Variants in CERS6 observed in about 807,000 individuals in gnomAD.
The protein encoded by CERS6 is LAG1 homolog, ceramide synthase 6.
CERS6 carries 26 observed loss-of-function variants against 56.8 expected under a neutral mutation model. The observed-to-expected ratio is 0.46, with a 90% CI of 0.34 to 0.63. CERS6 has a LOEUF of 0.63. Ranked by LOEUF, CERS6 falls within the 30% of genes least tolerant of loss-of-function variation. CERS6 has a pLI of 0.01. For synonymous variants in CERS6, 164 were observed against 173.3 expected (o/e 0.95, Z 0.42); for missense variants, 415 against 467.5 (o/e 0.89, Z 1.04).
chr2:168,495,685 A>T (rs547267150), intron 1 of CERS6, among the ~76,000 whole-genome samples: 2 of 152,286 alleles, frequency 1.3e-5, no homozygotes, highest in South Asian at 4.1e-4. Context: ...AGAAAATTAA[A>T]TGGCAGTTAT....
At chr2:168,716,515 G>A (rs1370710001) in intron 7 of CERS6, among the ~76,000 whole-genome samples, 2 of 152,036 alleles carry the variant, frequency 1.3e-5, no homozygotes, top group East Asian at 1.9e-4. Flanking sequence ...AAAAACAAAT[G>A]TTCTTCATCA....
intron 6 of CERS6, among the ~76,000 whole-genome samples, chr2:168,702,299 A>G (rs1686825003): frequency 6.6e-6 from 1 of 152,166 alleles, no homozygotes; most frequent in African/African-American, 2.4e-5. Context: ...TTTCTTTTGA[A>G]CTGAACTTTT....
chr2:168,637,869 A>G lies in CERS6; in HGVS notation c.465+6827A>G, dbSNP rs186065315. On this transcript the variant is annotated intron_variant, in intron 4 of 9. Coordinates refer to ENST00000305747, the MANE Select transcript of CERS6 (RefSeq NM_203463.3). ...TAGAAATTTGGAGGTTTTTTTCAAT[A>G]TATCTTTAATACTTTATTTTCTATT... Among the ~76,000 whole-genome samples, 102 of 152,206 alleles carry G rather than the reference A, an allele frequency of 6.7e-4. 2 individuals are homozygous for G. The highest frequency in any genetic ancestry group is 2.1e-4 in the Non-Finnish European group (14 of 68,006).
chr2:168,566,108 C>T (rs975803048), intron 3 of CERS6, among the ~76,000 whole-genome samples: 5 of 152,148 alleles, frequency 3.3e-5, no homozygotes, highest in Non-Finnish European at 7.3e-5. Flanking sequence ...TTGGACCCTG[C>T]CTGTGCTCAT....
intron 4 of CERS6, among the ~76,000 whole-genome samples, chr2:168,635,500 A>G (rs545240285): frequency 6.6e-6 from 1 of 152,288 alleles, no homozygotes; most frequent in East Asian, 1.9e-4. Context: ...AGTGCTTCTA[A>G]GAAGCTAAAC....
In CERS6 at chr2:168,456,735, A is replaced by C. The variant is rs1693669128; in HGVS notation, c.170+117A>C. The stretch of plus-strand genomic sequence containing the variant: ...CCAACGCTCGCGTTCACGCCTCCCA[A>C]CCTTTGTGTTCGGGGAGGGGTTGCT... On this transcript the variant is annotated intron_variant, in intron 1 of 9. Coordinates refer to ENST00000305747, the MANE Select transcript of CERS6 (RefSeq NM_203463.3). This position sits in a 1 kb window ranked among gnomAD's most constrained non-coding sequence, Gnocchi z 4.1. 2 of 950,208 alleles carry C rather than the reference A, an allele frequency of 2.1e-6. No homozygotes were observed. Among genetic ancestry groups the C allele is most frequent in the Non-Finnish European group, 3.1e-6 (2 of 637,338 alleles). The allele number at this position is 950,208 out of a possible 1,614,324, so 58.9% of individuals were successfully genotyped here.
chr2:168,658,622 T>A (rs912786825), intron 4 of CERS6, among the ~76,000 whole-genome samples: 1 of 152,234 alleles, frequency 6.6e-6, no homozygotes, highest in Non-Finnish European at 1.5e-5. Context: ...CATAATTGTG[T>A]AAATAGCTAA....
At chr2:168,560,183 T>A (rs1695762470) in intron 2 of CERS6, among the ~76,000 whole-genome samples, 1 of 152,128 alleles carries the variant, frequency 6.6e-6, no homozygotes, top group Admixed American at 6.5e-5. Flanking sequence ...TTCCCCTTTT[T>A]AAAACCATCA....
chr2:168,704,517 T>C (rs114979776), intron 6 of CERS6, among the ~76,000 whole-genome samples: 6,102 of 152,136 alleles, frequency 0.04, 191 homozygotes, highest in Non-Finnish European at 0.057. Context: ...TCCCCATAAA[T>C]ATAAACAAAC....
chr2:168,588,949 A>G (rs898823413), intron 3 of CERS6, among the ~76,000 whole-genome samples: 7 of 152,172 alleles, frequency 4.6e-5, no homozygotes, highest in Non-Finnish European at 1.0e-4. Flanking sequence ...CATGTTGCCC[A>G]GGCTGGTCTC....
intron 4 of CERS6, chr2:168,644,374 C>A (rs1685122083): frequency 1.0e-6 from 1 of 984,620 alleles, no homozygotes; most frequent in East Asian, 1.1e-4. Flanking sequence ...AGAGAGGAGG[C>A]AGCAGATATG....
At chr2:168,472,872 C>T (rs886509386) in intron 1 of CERS6, among the ~76,000 whole-genome samples, 1 of 152,058 alleles carries the variant, frequency 6.6e-6, no homozygotes, top group Non-Finnish European at 1.5e-5. Context: ...ACAATGGAAA[C>T]AAAGGTATCC....
intron 1 of CERS6, among the ~76,000 whole-genome samples, chr2:168,527,878 A>G (rs920617235): frequency 6.6e-6 from 1 of 151,986 alleles, no homozygotes; most frequent in African/African-American, 2.4e-5. Flanking sequence ...GCACCACCAC[A>G]CCAGGCTAAT....
chr2:168,606,585 G>A (rs1684058934), intron 3 of CERS6: 1 of 152,168 alleles, frequency 6.6e-6, no homozygotes, highest in Admixed American at 6.5e-5. Context: ...TTGAGTTAAT[G>A]ATGGAATGAA....
intron 1 of CERS6, among the ~76,000 whole-genome samples, chr2:168,539,772 A>G (rs1260477011): frequency 1.3e-5 from 2 of 152,218 alleles, no homozygotes; most frequent in Non-Finnish European, 2.9e-5. Context: ...TAGTTCAGCA[A>G]TGCGTTGACT....
At chr2:168,652,650 G>A (rs575854966) in intron 4 of CERS6, among the ~76,000 whole-genome samples, 61 of 148,800 alleles carry the variant, frequency 4.1e-4, no homozygotes, top group Middle Eastern at 3.6e-3. Flanking sequence ...TGTATTTAAA[G>A]CTTAATCGGA....
At chr2:168,497,403 GAGAA>G (rs1251114895) in intron 1 of CERS6, among the ~76,000 whole-genome samples, 1 of 151,646 alleles carries the variant, frequency 6.6e-6, no homozygotes. Flanking sequence ...AAGGAAGGGA[GAGAA>G]AGAAGGAAAG....
chr2:168,721,036 C>T (rs1028485219), intron 8 of CERS6, among the ~76,000 whole-genome samples: 3 of 152,162 alleles, frequency 2.0e-5, no homozygotes, highest in Non-Finnish European at 4.4e-5. Context: ...AACATCATAG[C>T]GCAATGCATT....
intron 4 of CERS6, among the ~76,000 whole-genome samples, chr2:168,679,946 T>A (rs1435708831): frequency 6.6e-6 from 1 of 152,200 alleles, no homozygotes; most frequent in Non-Finnish European, 1.5e-5. Flanking sequence ...GATGACTGAT[T>A]AGGAAAATCA....
Sources: allele counts gnomAD v4.1 joint callset (sites outside exome capture counted in the v4.1 genomes callset), GRCh38; gene constraint gnomAD v4.1.1; non-coding constraint Gnocchi (gnomAD v3.1); transcripts MANE v1.5; gene names NCBI Gene and HGNC (gene_info 2026-07-23, HGNC 2026-07-21).